SHISA9: variants seen among roughly 807,000 people sequenced by gnomAD.
SHISA9 encodes shisa family member 9, also known as protein shisa-9.
Under a neutral mutation model 38.0 loss-of-function variants are expected in SHISA9, and 13 were observed. The observed-to-expected ratio is 0.34, with a 90% CI of 0.22 to 0.54. SHISA9 has a LOEUF of 0.54. Ranked by LOEUF, SHISA9 falls within the 20% of genes least tolerant of loss-of-function variation. The pLI is 0.91. For synonymous variants in SHISA9, 275 were observed against 242.0 expected (o/e 1.14, Z -1.27); for missense variants, 538 against 575.8 (o/e 0.93, Z 0.67).
chr16:13,444,505 T>C, the SHISA9 span, among the ~76,000 whole-genome samples: 2 of 152,172 alleles, frequency 1.3e-5, no homozygotes, highest in South Asian at 4.1e-4. Context: ...GCAGGTCTTT[T>C]GGAAATATTT....
the SHISA9 span, among the ~76,000 whole-genome samples, chr16:13,462,043 G>C: frequency 6.6e-5 from 10 of 151,998 alleles, no homozygotes; most frequent in African/African-American, 2.4e-4. Flanking sequence ...GCTGAGGCAG[G>C]AGGATCACTT....
intron 2 of SHISA9, among the ~76,000 whole-genome samples, chr16:13,050,807 C>G (rs2073242704): frequency 6.6e-6 from 1 of 152,220 alleles, no homozygotes; most frequent in Non-Finnish European, 1.5e-5. Context: ...TGTGCTCAAG[C>G]TGTTTTTATG....
chr16:13,102,604 C>T (rs1596649559), intron 2 of SHISA9, among the ~76,000 whole-genome samples: 2 of 152,188 alleles, frequency 1.3e-5, no homozygotes, highest in African/African-American at 4.8e-5. Flanking sequence ...AGCTGGGACT[C>T]TGGGAACATT....
In SHISA9 at chr16:12,916,564, A is replaced by T; in HGVS notation, c.564-124A>T. 4.3e-6 allele frequency: 5 copies of T among 1,176,174 alleles called. No individual in the cohort carries two copies. In the East Asian group the frequency reaches 1.1e-4, roughly 26 times the overall value. The allele number at this position is 1,176,174 out of a possible 1,614,324, so 72.9% of individuals were successfully genotyped here. The stretch of plus-strand genomic sequence containing the variant: ...TACGTTTTTCTCTACTCCACCCCTA[A>T]CTAGAATGGTGGCTCCATGGAGTAA... On this transcript the variant is annotated intron_variant, in intron 1 of 4. Coordinates refer to ENST00000558583, the MANE Select transcript of SHISA9 (RefSeq NM_001145204.3).
chr16:12,928,220 T>A (rs577766038), intron 2 of SHISA9, among the ~76,000 whole-genome samples: 1 of 152,210 alleles, frequency 6.6e-6, no homozygotes, highest in South Asian at 2.1e-4. Context: ...AACATAGATT[T>A]GCATTTTTGG....
intron 2 of SHISA9, among the ~76,000 whole-genome samples, chr16:12,946,190 A>T (rs928430634): frequency 6.6e-6 from 1 of 152,100 alleles, no homozygotes; most frequent in Non-Finnish European, 1.5e-5. Context: ...GTTGTTTTCC[A>T]TTGGTCTATA....
At chr16:13,306,572 G>A in the SHISA9 span, among the ~76,000 whole-genome samples, 5 of 152,136 alleles carry the variant, frequency 3.3e-5, no homozygotes, top group African/African-American at 9.7e-5. Context: ...CAAGATATTG[G>A]TCAGGGCTGC....
the SHISA9 span, among the ~76,000 whole-genome samples, chr16:13,416,758 GGAA>G: frequency 2.2e-5 from 2 of 92,636 alleles, no homozygotes; most frequent in African/African-American, 4.4e-5. Flanking sequence ...AAGGAAGGAA[GGAA>G]GGAAGGAAGG....
chr16:13,095,111 G>A (rs1003477634), intron 2 of SHISA9, among the ~76,000 whole-genome samples: 1 of 152,226 alleles, frequency 6.6e-6, no homozygotes, highest in Non-Finnish European at 1.5e-5. Flanking sequence ...AACTGTGAGA[G>A]AGAAGAAGAG....
the SHISA9 span, among the ~76,000 whole-genome samples, chr16:13,275,237 C>G: frequency 6.6e-6 from 1 of 151,976 alleles, no homozygotes; most frequent in Non-Finnish European, 1.5e-5. Context: ...CTTTTTAGAT[C>G]TTTTCTATGC....
At chr16:13,432,277 T>G in the SHISA9 span, among the ~76,000 whole-genome samples, 3 of 152,208 alleles carry the variant, frequency 2.0e-5, no homozygotes, top group Admixed American at 1.3e-4. Flanking sequence ...TTGTCCCTTT[T>G]AGCATAGATG....
chr16:13,541,918 A>G, the SHISA9 span, among the ~76,000 whole-genome samples: 1 of 152,200 alleles, frequency 6.6e-6, no homozygotes, highest in Non-Finnish European at 1.5e-5. Context: ...CCTCAAATTC[A>G]TGTCCAGCCA....
At chr16:13,379,472 C>G in the SHISA9 span, among the ~76,000 whole-genome samples, 2 of 152,174 alleles carry the variant, frequency 1.3e-5, no homozygotes, top group Admixed American at 1.3e-4. Flanking sequence ...TCCTCCTGCT[C>G]CAGCCTGCCT....
intron 1 of SHISA9, chr16:12,909,840 C>T (rs1296364970): frequency 1.5e-5 from 2 of 132,940 alleles, no homozygotes; most frequent in African/African-American, 2.7e-5. Context: ...TCCCTCCTTC[C>T]CTTCCCCTTC....
chr16:13,332,861 G>A, the SHISA9 span, among the ~76,000 whole-genome samples: 1 of 152,204 alleles, frequency 6.6e-6, no homozygotes, highest in African/African-American at 2.4e-5. Flanking sequence ...ATCCATCTGG[G>A]GGCAGAGGTG....
chr16:13,144,055 A>G (rs1385052788), intron 2 of SHISA9, among the ~76,000 whole-genome samples: 1 of 151,932 alleles, frequency 6.6e-6, no homozygotes, highest in Non-Finnish European at 1.5e-5. Flanking sequence ...TTTTTCTTTT[A>G]CTTTTCTCAT....
chr16:13,117,563 A>G (rs541767089), intron 2 of SHISA9, among the ~76,000 whole-genome samples: 3 of 152,274 alleles, frequency 2.0e-5, no homozygotes, highest in African/African-American at 7.2e-5. Flanking sequence ...CAATTGTTCT[A>G]GAACAGACAC....
At chr16:13,021,786 A>G (rs1276704460) in intron 2 of SHISA9, among the ~76,000 whole-genome samples, 3 of 152,188 alleles carry the variant, frequency 2.0e-5, no homozygotes, top group African/African-American at 4.8e-5. Context: ...TTATGACACT[A>G]TTATAATAGT....
chr16:12,981,522 A>G (rs770680905), intron 2 of SHISA9, among the ~76,000 whole-genome samples: 3 of 152,198 alleles, frequency 2.0e-5, no homozygotes, highest in Admixed American at 6.5e-5. Context: ...AGTTTACCAC[A>G]GGTCCTCTGC....
Sources: gnomAD v4.1 joint callset for allele counts (sites outside exome capture counted in the v4.1 genomes callset) on GRCh38, gnomAD v4.1.1 for gene constraint, MANE v1.5 for transcripts, NCBI Gene and HGNC (gene_info 2026-07-23, HGNC 2026-07-21) for gene names.